TAF3: variants seen among roughly 807,000 people sequenced by gnomAD.
The protein encoded by TAF3 is TATA-box binding protein associated factor 3.
In TAF3, 7 loss-of-function variants were observed where a neutral mutation model predicts 80.6. The ratio of observed to expected loss-of-function variants is 0.09; its 90% confidence interval spans 0.05 to 0.16. TAF3 has a LOEUF of 0.16. TAF3 is among the 10% of genes least tolerant of loss of function. The pLI is 1.00. For synonymous variants in TAF3, 444 were observed against 446.1 expected (o/e 1.00, Z 0.06); for missense variants, 921 against 1,140.2 (o/e 0.81, Z 2.77).
intron 2 of TAF3, among the ~76,000 whole-genome samples, chr10:7,874,502 A>G (rs1837296567): frequency 6.6e-6 from 1 of 152,142 alleles, no homozygotes; most frequent in African/African-American, 2.4e-5. Context: ...GATGATGGTG[A>G]GTATTTCATT....
chr10:7,889,270 T>C lies in TAF3; in HGVS notation c.409+64710T>C, dbSNP rs150811554. ...TTGATTCTCTTCTCACTCTCCACAT[T>C]TGGGGAATGATCTCAGCTGTACAGA... On this transcript the variant is annotated intron_variant, in intron 2 of 6. Transcript: ENST00000344293. Among the ~76,000 whole-genome samples the C allele has an allele frequency of 6.0e-4, 91 of 152,286 alleles. No homozygotes were observed. In the East Asian group the frequency reaches 0.017, roughly 28 times the overall value.
chr10:7,846,163 T>G (rs1318005226), intron 2 of TAF3, among the ~76,000 whole-genome samples: 1 of 152,128 alleles, frequency 6.6e-6, no homozygotes, highest in Non-Finnish European at 1.5e-5. Context: ...TTCACCGTGT[T>G]AGCCAGGACG....
intron 2 of TAF3, among the ~76,000 whole-genome samples, chr10:7,862,198 A>G (rs1588528886): frequency 6.6e-6 from 1 of 152,190 alleles, no homozygotes; most frequent in East Asian, 1.9e-4. Context: ...ACATAGTAAT[A>G]ATAGCTTCTT....
At chr10:7,884,021 C>T (rs1008388737) in intron 2 of TAF3, among the ~76,000 whole-genome samples, 1 of 152,130 alleles carries the variant, frequency 6.6e-6, no homozygotes, top group East Asian at 1.9e-4. Context: ...CAGTCCCACT[C>T]CCATGATAAC....
intron 2 of TAF3, among the ~76,000 whole-genome samples, chr10:7,901,916 T>A (rs1228196860): frequency 1.3e-5 from 2 of 152,172 alleles, no homozygotes; most frequent in Non-Finnish European, 2.9e-5. Flanking sequence ...AATTTGATAA[T>A]CTTATCATTT....
chr10:7,989,723 G>C (rs1484409001), intron 4 of TAF3, among the ~76,000 whole-genome samples: 2 of 152,110 alleles, frequency 1.3e-5, no homozygotes, highest in Non-Finnish European at 2.9e-5. Flanking sequence ...TGAATCATAA[G>C]CTTCAGCATT....
At chr10:7,832,403 C>T (rs998384333) in intron 2 of TAF3, among the ~76,000 whole-genome samples, 1 of 151,986 alleles carries the variant, frequency 6.6e-6, no homozygotes, top group African/African-American at 2.4e-5. Flanking sequence ...AATAATAATA[C>T]TTTTTAATTT....
rs775710076 is a variant in TAF3, at chr10:7,824,340, G to A, written c.189G>A (p.Leu63=). The change falls in exon 2 of 7, where the codon TTG becomes TTA. Residue 63 remains leucine (L), a synonymous_variant. Coordinates refer to ENST00000344293, the MANE Select transcript of TAF3 (RefSeq NM_031923.4). The part of the protein sequence containing the change: ...SELYGRTDPI[L]DDVGEAFQLM... ...CAGATGGCCGAACAGACCCAATTTT[G>A]GATGATGTTGGTGAAGCTTTCCAGC... The A allele has an allele frequency of 6.2e-7, 1 of 1,613,690 alleles. No individual in the cohort carries two copies. Among genetic ancestry groups the A allele is most frequent in the South Asian group, 1.1e-5 (1 of 91,056 alleles).
intron 2 of TAF3, among the ~76,000 whole-genome samples, chr10:7,935,324 G>C (rs942390763): frequency 6.6e-6 from 1 of 151,702 alleles, no homozygotes; most frequent in Non-Finnish European, 1.5e-5. Context: ...GCGGCCAGGC[G>C]CGGTGGCTTA....
chr10:8,011,480 T>C (rs142614701), intron 5 of TAF3, among the ~76,000 whole-genome samples: 216 of 152,294 alleles, frequency 1.4e-3, no homozygotes, highest in African/African-American at 4.7e-3. Context: ...CTCTCTGTGT[T>C]GCCCAGGCTG....
intron 2 of TAF3, among the ~76,000 whole-genome samples, chr10:7,936,060 C>T (rs1342193347): frequency 6.6e-6 from 1 of 152,046 alleles, no homozygotes; most frequent in Non-Finnish European, 1.5e-5. Flanking sequence ...GTGTCCTGGA[C>T]TAGTGTGATT....
intron 2 of TAF3, among the ~76,000 whole-genome samples, chr10:7,856,858 CAAAAA>C (rs57207229): frequency 3.3e-5 from 3 of 91,156 alleles, no homozygotes; most frequent in African/African-American, 8.2e-5. Context: ...AGCTGGTTCT[CAAAAA>C]AAAAAAAAAA....
chr10:7,976,258 T>A (rs1352905884), intron 3 of TAF3, among the ~76,000 whole-genome samples: 1 of 151,718 alleles, frequency 6.6e-6, no homozygotes, highest in East Asian at 1.9e-4. Flanking sequence ...TCTTTTTTTT[T>A]TTTTTTAAGA....
chr10:7,842,044 G>A (rs1267472269), intron 2 of TAF3, among the ~76,000 whole-genome samples: 3 of 152,036 alleles, frequency 2.0e-5, no homozygotes, highest in South Asian at 2.1e-4. Flanking sequence ...CAGGCACCAC[G>A]CCCGATGTGG....
At position 7,947,194 on chromosome 10, in the gene TAF3, G is replaced by A. The variant is rs896717672; in HGVS notation, c.410-16726G>A. ...CCTCTTCTGCTGTTATTGAAATGTC[G>A]GCAGCCCTAGAATCCTGCCCTTGGT... On this transcript the variant is annotated intron_variant, in intron 2 of 6. Transcript: ENST00000344293. 5.9e-5 allele frequency among the ~76,000 whole-genome samples: 9 copies of A among 151,978 alleles called. No individual in the cohort carries two copies. The South Asian group carries it at 6.2e-4, about 11-fold the overall frequency.
rs1838109512 is a variant in TAF3 at position 7,953,973 on chromosome 10, C to T, written c.410-9947C>T. Among the ~76,000 whole-genome samples the T allele has an allele frequency of 1.4e-5, 2 of 142,504 alleles. 1 individual carries two copies. Among genetic ancestry groups the T allele is most frequent in the African/African-American group, 5.0e-5 (2 of 39,730 alleles). 93.5% of individuals were successfully genotyped at this position (142,504 alleles called of 152,430 possible). On this transcript the variant is annotated intron_variant, in intron 2 of 6. Coordinates refer to ENST00000344293, the MANE Select transcript of TAF3 (RefSeq NM_031923.4). Reference sequence around the variant, plus strand: ...GCTCTCCCTAGTGAGATTCAGAGTGCACTCCACAGGTGAATGAGTGGATTA... The same window carrying T: ...GCTCTCCCTAGTGAGATTCAGAGTGTACTCCACAGGTGAATGAGTGGATTA...
At chr10:7,953,761 C>T (rs1328917129) in intron 2 of TAF3, among the ~76,000 whole-genome samples, 2 of 152,232 alleles carry the variant, frequency 1.3e-5, no homozygotes, top group African/African-American at 4.8e-5. Flanking sequence ...TAGTGAGATT[C>T]AGAGTGCACA....
At chr10:7,928,162 C>T (rs913554033) in intron 2 of TAF3, among the ~76,000 whole-genome samples, 4 of 151,996 alleles carry the variant, frequency 2.6e-5, no homozygotes, top group Non-Finnish European at 4.4e-5. Context: ...TTTGACCTTC[C>T]GCAATGAAAG....
At chr10:7,969,354 G>A (rs1301306135) in intron 3 of TAF3, among the ~76,000 whole-genome samples, 1 of 151,966 alleles carries the variant, frequency 6.6e-6, no homozygotes, top group Non-Finnish European at 1.5e-5. Flanking sequence ...AGCCATAATA[G>A]TTGTAGCAGT....
Sources: gnomAD v4.1 joint callset for allele counts (sites outside exome capture counted in the v4.1 genomes callset) on GRCh38, gnomAD v4.1.1 for gene constraint, MANE v1.5 for transcripts, NCBI Gene and HGNC (gene_info 2026-07-23, HGNC 2026-07-21) for gene names.